Variants in AQP9 observed in about 807,000 individuals in gnomAD.
AQP9 encodes aquaporin-9.
A neutral mutation model predicts 23.8 loss-of-function variants in AQP9; 19 were observed. That is an observed-to-expected ratio of 0.80 (90% CI 0.56 to 1.17). The LOEUF (loss-of-function observed/expected upper bound fraction) is 1.17, where lower values mean the gene tolerates loss of function less well. AQP9 is among the 50% of genes most tolerant of loss of function. AQP9 has a pLI of 0.00. For synonymous variants in AQP9, 153 were observed against 131.5 expected (o/e 1.16, Z -1.12); for missense variants, 413 against 362.0 (o/e 1.14, Z -1.14).
intron 1 of AQP9, among the ~76,000 whole-genome samples, chr15:58,149,517 C>A (rs953737170): frequency 1.3e-5 from 2 of 152,170 alleles, no homozygotes; most frequent in African/African-American, 4.8e-5. Flanking sequence ...GAAAGAGAGC[C>A]TTAGTCATAG....
intron 1 of AQP9, among the ~76,000 whole-genome samples, chr15:58,159,390 T>A (rs1267093413): frequency 6.6e-6 from 1 of 152,178 alleles, no homozygotes; most frequent in African/African-American, 2.4e-5. Context: ...TATTCATACA[T>A]AACAGATGTA....
intron 4 of AQP9, among the ~76,000 whole-genome samples, chr15:58,178,772 C>A (rs1397540087): frequency 1.3e-5 from 2 of 152,270 alleles, no homozygotes; most frequent in South Asian, 2.1e-4. Flanking sequence ...ATTTTTCCAG[C>A]CTGCAGCTTG....
chr15:58,149,354 C>T (rs1199601034), intron 1 of AQP9, among the ~76,000 whole-genome samples: 1 of 152,210 alleles, frequency 6.6e-6, no homozygotes, highest in Admixed American at 6.5e-5. Flanking sequence ...CACCATGGCG[C>T]AAATGCCATG....
chr15:58,159,639 A>G (rs577744040), intron 1 of AQP9, among the ~76,000 whole-genome samples: 8 of 152,290 alleles, frequency 5.3e-5, no homozygotes, highest in African/African-American at 1.2e-4. Flanking sequence ...ATTTTTACCT[A>G]TTAATCAACC....
At chr15:58,155,614 C>T (rs1413820744) in intron 1 of AQP9, 1 of 152,090 alleles carries the variant, frequency 6.6e-6, no homozygotes, top group Non-Finnish European at 1.5e-5. Context: ...CTGACAAAAT[C>T]ACTTTCCACG....
intron 1 of AQP9, among the ~76,000 whole-genome samples, chr15:58,142,103 C>G (rs1323896872): frequency 2.0e-5 from 3 of 152,166 alleles, no homozygotes; most frequent in Non-Finnish European, 4.4e-5. Flanking sequence ...CAGCCCAGAG[C>G]CCAGTTGCCC....
intron 1 of AQP9, among the ~76,000 whole-genome samples, chr15:58,162,812 A>C (rs1230103507): frequency 6.6e-6 from 1 of 152,204 alleles, no homozygotes; most frequent in Admixed American, 6.5e-5. Context: ...GCTTTCAGAT[A>C]ATTCCAGTGT....
intron 5 of AQP9, among the ~76,000 whole-genome samples, chr15:58,180,913 T>C (rs1898873312): frequency 6.6e-6 from 1 of 152,226 alleles, no homozygotes. Context: ...AGGATGGATC[T>C]CTTGTATCTT....
rs138569397 is a variant in AQP9, at chr15:58,162,873, G to A, written c.112-3800G>A. 7.9e-4 allele frequency among the ~76,000 whole-genome samples: 121 copies of A among 152,336 alleles called. 1 individual carries two copies. The East Asian group carries it at 0.016, about 20-fold the overall frequency. The stretch of plus-strand genomic sequence containing the variant: ...ATACCAAGTAGAGCAGGGATGACGT[G>A]CCACCCCAAACCCTGCCCAAATTGC... On this transcript the variant is annotated intron_variant, in intron 1 of 5. Coordinates refer to ENST00000219919, the MANE Select transcript of AQP9 (RefSeq NM_020980.5).
At chr15:58,153,418 C>A (rs2140597327) in intron 1 of AQP9, 1 of 152,218 alleles carries the variant, frequency 6.6e-6, no homozygotes, top group Admixed American at 6.5e-5. Flanking sequence ...TGAATCCAAA[C>A]CTTTACATTA....
chr15:58,173,028 T>G (rs199504746), intron 2 of AQP9, 40 bp from the exon 3 acceptor site: 1 of 1,612,614 alleles, frequency 6.2e-7, no homozygotes, highest in Non-Finnish European at 8.5e-7. Context: ...ATATTCTTCT[T>G]CCTAACCTGC....
intron 1 of AQP9, among the ~76,000 whole-genome samples, chr15:58,159,307 C>T (rs1396620436): frequency 4.6e-5 from 7 of 151,956 alleles, no homozygotes; most frequent in African/African-American, 1.5e-4. Flanking sequence ...GTAAGATTCC[C>T]GTCTATTTAT....
intron 2 of AQP9, among the ~76,000 whole-genome samples, chr15:58,169,650 G>A (rs1355221795): frequency 1.3e-5 from 2 of 152,108 alleles, no homozygotes; most frequent in Non-Finnish European, 2.9e-5. Flanking sequence ...TGTGGTCACC[G>A]ACTAGTGAGG....
At position 58,184,181 on chromosome 15, in the gene AQP9, AG is replaced by A. The variant is rs1469659806; in HGVS notation, c.*47del. On this transcript the variant is annotated 3_prime_UTR_variant, in exon 6 of 6. Transcript: ENST00000219919. ...TTGCAGTCAGTTTGGGATTCTCTTC[AG>A]AAAGATGGCATCTAAGTGTCTGTGT... 1 of 1,585,024 alleles carries A rather than the reference AG, an allele frequency of 6.3e-7. No individual in the cohort carries two copies. Among genetic ancestry groups the A allele is most frequent in the Non-Finnish European group, 8.6e-7 (1 of 1,159,500 alleles).
At chr15:58,142,403 A>G (rs1184166812) in intron 1 of AQP9, among the ~76,000 whole-genome samples, 1 of 152,208 alleles carries the variant, frequency 6.6e-6, no homozygotes, top group African/African-American at 2.4e-5. Context: ...CGAACTTGAC[A>G]AAGTTTACAG....
chr15:58,147,208 AT>A (rs200615170), intron 1 of AQP9, among the ~76,000 whole-genome samples: 1,738 of 149,946 alleles, frequency 0.012, 10 homozygotes, highest in Non-Finnish European at 0.017. Context: ...AAGGGGAAGT[AT>A]TTTTTTTTTC....
Position 58,184,947 on chromosome 15 carries a change from T to C in AQP9, c.*812T>C, listed in dbSNP as rs1424764248. ...TTTTAGCTCAAATGTATTTTCCTAA[T>C]TGCCCACTTGAGAACAGACATTTGA... On this transcript the variant is annotated 3_prime_UTR_variant, in exon 6 of 6. Transcript: ENST00000219919. 1.3e-5 allele frequency: 2 copies of C among 152,344 alleles called. No individual in the cohort carries two copies. Among genetic ancestry groups the C allele is most frequent in the South Asian group, 4.1e-4 (2 of 4,828 alleles). 9.4% of individuals were successfully genotyped at this position (152,344 alleles called of 1,614,324 possible).
chr15:58,169,884 C>T (rs1341745146), intron 2 of AQP9, among the ~76,000 whole-genome samples: 3 of 152,098 alleles, frequency 2.0e-5, no homozygotes, highest in African/African-American at 7.2e-5. Context: ...AATAGACTTG[C>T]TTTCATTACA....
chr15:58,174,789 G>A, intron 3 of AQP9, 129 bp from the exon 4 acceptor site: 1 of 746,646 alleles, frequency 1.3e-6, no homozygotes, highest in Non-Finnish European at 2.3e-6. Context: ...CTCGGAAGTA[G>A]AGAGAGACAA....
Sources: allele counts gnomAD v4.1 joint callset (sites outside exome capture counted in the v4.1 genomes callset), GRCh38; gene constraint gnomAD v4.1.1; transcripts MANE v1.5; gene names NCBI Gene and HGNC (gene_info 2026-07-23, HGNC 2026-07-21).